NCAM1: variants seen among roughly 807,000 people sequenced by gnomAD.
NCAM1 encodes neural cell adhesion molecule 1.
Under a neutral mutation model 109.8 loss-of-function variants are expected in NCAM1, and 14 were observed. The ratio of observed to expected loss-of-function variants is 0.13; its 90% CI spans 0.08 to 0.20. The LOEUF is 0.20. Among genes scored for constraint, NCAM1 ranks in the 10% least tolerant of loss-of-function variants. The pLI, the probability that NCAM1 is intolerant of heterozygous loss-of-function variation, is 1.00. For synonymous variants in NCAM1, 418 were observed against 442.9 expected, an observed-to-expected ratio of 0.94 and a Z score of 0.70; for missense variants, 774 against 1,109.9, an observed-to-expected ratio of 0.70 and a Z score of 4.30.
chr11:113,071,421 ATTTTTTTTTTT>A (rs66821824), intron 1 of NCAM1, among the ~76,000 whole-genome samples: 1 of 127,672 alleles, frequency 7.8e-6, no homozygotes, highest in African/African-American at 3.0e-5. Flanking sequence ...TGTTGGTTGG[ATTTTTTTTTTT>A]TTTTTTTTTT....
intron 1 of NCAM1, among the ~76,000 whole-genome samples, chr11:113,079,339 A>G (rs1938680788): frequency 6.6e-6 from 1 of 152,182 alleles, no homozygotes; most frequent in Non-Finnish European, 1.5e-5. Flanking sequence ...GTTGTAGAGT[A>G]AGCCTCAAAC....
intron 1 of NCAM1, among the ~76,000 whole-genome samples, chr11:113,120,562 G>A (rs1940913095): frequency 6.6e-6 from 1 of 152,172 alleles, no homozygotes; most frequent in South Asian, 2.1e-4. Context: ...TCATGCCTCA[G>A]ATTGATTTTA....
rs1255229168 is a variant in NCAM1, at chr11:113,040,014, G to A, written c.52+78350G>A. Among the ~76,000 whole-genome samples, 6 of 152,080 alleles carry A rather than the reference G, an allele frequency of 3.9e-5. No homozygotes were observed. The South Asian group carries it at 8.3e-4, about 21-fold the overall frequency. On this transcript the variant is annotated intron_variant, in intron 1 of 19. Transcript: ENST00000316851. ...AACTTATCCGGGCGTGGTGGCATGC[G>A]CCTGTAGTCCCAGCTACTCGGGAGG...
intron 1 of NCAM1, among the ~76,000 whole-genome samples, chr11:113,160,753 G>A (rs933973646): frequency 6.6e-6 from 1 of 152,268 alleles, no homozygotes; most frequent in East Asian, 1.9e-4. Context: ...CAAACAAAGA[G>A]GGTCACTGAG....
At chr11:113,200,614 C>A (rs1944021449) in intron 1 of NCAM1, among the ~76,000 whole-genome samples, 1 of 152,156 alleles carries the variant, frequency 6.6e-6, no homozygotes, top group Non-Finnish European at 1.5e-5. Flanking sequence ...AGTCACTCCA[C>A]CTTTTCCTCA....
intron 1 of NCAM1, among the ~76,000 whole-genome samples, chr11:113,196,574 A>G (rs1943861233): frequency 6.6e-6 from 1 of 152,216 alleles, no homozygotes; most frequent in South Asian, 2.1e-4. Flanking sequence ...TATCTGCTTT[A>G]CATATGTTGG....
intron 7 of NCAM1, among the ~76,000 whole-genome samples, chr11:113,208,559 CCA>C (rs1157949516): frequency 6.6e-6 from 1 of 151,930 alleles, no homozygotes; most frequent in Non-Finnish European, 1.5e-5. Context: ...TTCTTCTGAT[CCA>C]CCATTCAGAT....
chr11:113,078,068 G>T (rs1230845297), intron 1 of NCAM1, among the ~76,000 whole-genome samples: 1 of 152,100 alleles, frequency 6.6e-6, no homozygotes, highest in Admixed American at 6.6e-5. Flanking sequence ...GATCTTGGTG[G>T]CTTAAAACAA....
chr11:113,015,751 CA>C (rs369330839), intron 1 of NCAM1, among the ~76,000 whole-genome samples: 1 of 151,142 alleles, frequency 6.6e-6, no homozygotes, highest in African/African-American at 2.4e-5. Flanking sequence ...AAAACAAAAA[CA>C]AAAAAAAGAA....
At chr11:112,996,019 C>A (rs189270571) in intron 1 of NCAM1, among the ~76,000 whole-genome samples, 32 of 152,272 alleles carry the variant, frequency 2.1e-4, no homozygotes, top group African/African-American at 7.5e-4. Context: ...ACCTGAGGAC[C>A]TGTCCTCCTC....
chr11:113,042,969 T>A (rs867328), intron 1 of NCAM1, among the ~76,000 whole-genome samples: 20,917 of 152,254 alleles, frequency 0.14, 1,619 homozygotes, highest in South Asian at 0.34. Flanking sequence ...CCTCCTTCTC[T>A]TCTTCCTCAT....
chr11:113,262,941 A>G (rs376332700), intron 17 of NCAM1: 110 of 1,612,402 alleles, frequency 6.8e-5, no homozygotes, highest in Non-Finnish European at 1.4e-5. Flanking sequence ...TGAACACAAA[A>G]ATTAAATTTG....
intron 1 of NCAM1, among the ~76,000 whole-genome samples, chr11:112,993,353 T>A (rs1555070866): frequency 6.6e-6 from 1 of 152,064 alleles, no homozygotes; most frequent in East Asian, 1.9e-4. Flanking sequence ...AATGACCAGA[T>A]CTTGTGAGAA....
chr11:113,023,519 T>G (rs530220863), intron 1 of NCAM1, among the ~76,000 whole-genome samples: 68 of 152,174 alleles, frequency 4.5e-4, no homozygotes, highest in Non-Finnish European at 9.1e-4. Context: ...AAAAACATTC[T>G]GAAAGAAGAA....
intron 1 of NCAM1, among the ~76,000 whole-genome samples, chr11:113,163,706 G>T (rs1448636304): frequency 6.6e-6 from 1 of 152,142 alleles, no homozygotes; most frequent in East Asian, 1.9e-4. Context: ...TGAACATCTA[G>T]AATGGAGTTA....
chr11:113,088,565 A>ATT (rs1555088724), intron 1 of NCAM1, among the ~76,000 whole-genome samples: 83 of 152,178 alleles, frequency 5.5e-4, no homozygotes, highest in African/African-American at 1.9e-3. Context: ...ATTGGGTAAA[A>ATT]CACTAGTACC....
intron 1 of NCAM1, among the ~76,000 whole-genome samples, chr11:112,993,417 G>C (rs529793526): frequency 1.3e-5 from 2 of 152,140 alleles, no homozygotes; most frequent in Admixed American, 6.5e-5. Flanking sequence ...CATGATCCAA[G>C]CATCTTCCAC....
intron 1 of NCAM1, among the ~76,000 whole-genome samples, chr11:113,059,098 C>A (rs961753485): frequency 6.6e-5 from 10 of 152,184 alleles, no homozygotes; most frequent in African/African-American, 2.4e-4. Flanking sequence ...GCTTCTCCCC[C>A]ACTTGCCTAT....
At chr11:113,104,202 T>TGG (rs1565438460) in intron 1 of NCAM1, among the ~76,000 whole-genome samples, 1 of 2,548 alleles carries the variant, frequency 3.9e-4, no homozygotes. Flanking sequence ...GAAGAGGAGG[T>TGG]GGGGTGGGGG....
Sources: allele counts gnomAD v4.1 joint callset (sites outside exome capture counted in the v4.1 genomes callset), GRCh38; gene constraint gnomAD v4.1.1; transcripts MANE v1.5; gene names NCBI Gene and HGNC (gene_info 2026-07-23, HGNC 2026-07-21).